ARMH4: variants seen among roughly 807,000 people sequenced by gnomAD.
ARMH4 encodes the protein armadillo like helical domain containing 4.
Under a neutral mutation model 61.9 loss-of-function variants are expected in ARMH4, and 49 were observed. The ratio of observed to expected loss-of-function variants is 0.79; its 90% confidence interval spans 0.63 to 1.00. The LOEUF is 1.00. Ranked by LOEUF, ARMH4 falls within the 50% of genes least tolerant of loss-of-function variation. The probability of loss-of-function intolerance (pLI) is 0.00; values close to 1 mark genes in which losing one functional copy is unlikely to be tolerated. For missense variants in ARMH4, 934 were observed against 930.0 expected, an observed-to-expected ratio of 1.00 and a Z score of -0.06; for synonymous variants, 368 against 341.5, an observed-to-expected ratio of 1.08 and a Z score of -0.85.
In ARMH4 at chr14:58,041,490, A is replaced by G. The variant is rs544194690; in HGVS notation, c.2090-29340T>C. 1.0e-3 allele frequency among the ~76,000 whole-genome samples: 153 copies of G among 152,358 alleles called. 1 individual carries two copies. The highest frequency in any genetic ancestry group is 3.4e-3 in the African/African-American group (142 of 41,572). On this transcript the variant is annotated intron_variant, in intron 5 of 7. Coordinates refer to ENST00000267485, the MANE Select transcript of ARMH4 (RefSeq NM_001001872.4). Reference sequence around the variant, plus strand: ...AACCGGTACCAGCCACTGCAAAAATATGCCAAATTGTAAAGACCATCGATG... The same window carrying G: ...AACCGGTACCAGCCACTGCAAAAATGTGCCAAATTGTAAAGACCATCGATG...
chr14:58,039,395 C>T (rs769545522), intron 5 of ARMH4, among the ~76,000 whole-genome samples: 4 of 152,128 alleles, frequency 2.6e-5, no homozygotes, highest in East Asian at 3.8e-4. Flanking sequence ...AAAAGAGAAA[C>T]GCCTATTTAC....
Position 58,082,125 on chromosome 14 carries a change from T to C in ARMH4, c.2089+14599A>G, listed in dbSNP as rs188698423. Among the ~76,000 whole-genome samples, 36 of 152,328 alleles carry C rather than the reference T, an allele frequency of 2.4e-4. No homozygotes were observed. The Middle Eastern group carries it at 0.01, about 43-fold the overall frequency. ...TTAAACTTAACAGTCAGTCAAAGATTATGCTGACAACCACTGGGTCATGTT... is the reference window on the plus strand; with the variant it reads ...TTAAACTTAACAGTCAGTCAAAGATCATGCTGACAACCACTGGGTCATGTT... On this transcript the variant is annotated intron_variant, in intron 5 of 7. Transcript: ENST00000267485.
intron 5 of ARMH4, among the ~76,000 whole-genome samples, chr14:58,088,653 A>G (rs550000573): frequency 6.6e-6 from 1 of 152,296 alleles, no homozygotes; most frequent in Admixed American, 6.5e-5. Context: ...AAGCCCACTC[A>G]TCCTGGATAC....
At chr14:58,044,019 A>T (rs944875181) in intron 5 of ARMH4, among the ~76,000 whole-genome samples, 7 of 152,112 alleles carry the variant, frequency 4.6e-5, no homozygotes, top group South Asian at 2.1e-4. Context: ...GAATCAATAT[A>T]GTGAAAATGG....
At chr14:58,017,249 G>A (rs1566541310) in intron 5 of ARMH4, among the ~76,000 whole-genome samples, 1 of 152,188 alleles carries the variant, frequency 6.6e-6, no homozygotes, top group Non-Finnish European at 1.5e-5. Flanking sequence ...AGGAGGTTGA[G>A]GCTGCGGTGA....
At chr14:58,071,834 T>C (rs1487933605) in intron 5 of ARMH4, among the ~76,000 whole-genome samples, 3 of 152,250 alleles carry the variant, frequency 2.0e-5, no homozygotes, top group Non-Finnish European at 4.4e-5. Flanking sequence ...ATATTCTTTA[T>C]GCATTTCAAA....
At chr14:58,075,548 A>C (rs1235984206) in intron 5 of ARMH4, among the ~76,000 whole-genome samples, 1 of 151,616 alleles carries the variant, frequency 6.6e-6, no homozygotes, top group Non-Finnish European at 1.5e-5. Flanking sequence ...GTGGGAGTTG[A>C]ACCATGAGAA....
chr14:58,126,833 T>C (rs1212044940), intron 4 of ARMH4, among the ~76,000 whole-genome samples: 6 of 151,100 alleles, frequency 4.0e-5, no homozygotes, highest in South Asian at 2.1e-4. Context: ...GATGGAATCT[T>C]GCTCTGTTGC....
chr14:58,043,692 A>G (rs1337258430), intron 5 of ARMH4, among the ~76,000 whole-genome samples: 1 of 152,252 alleles, frequency 6.6e-6, no homozygotes, highest in African/African-American at 2.4e-5. Context: ...ACATGATTGT[A>G]TATCTAGAAA....
chr14:58,024,146 G>T (rs867981937), intron 5 of ARMH4, among the ~76,000 whole-genome samples: 1 of 152,164 alleles, frequency 6.6e-6, no homozygotes, highest in Non-Finnish European at 1.5e-5. Flanking sequence ...AAGCTTTGAA[G>T]CCAGGTACTG....
At chr14:58,083,640 T>C (rs1306153994) in intron 5 of ARMH4, among the ~76,000 whole-genome samples, 1 of 152,198 alleles carries the variant, frequency 6.6e-6, no homozygotes, top group African/African-American at 2.4e-5. Flanking sequence ...CTAAGAATTA[T>C]CTGACTCCAT....
chr14:58,120,400 CA>C (rs1264275484), intron 4 of ARMH4, among the ~76,000 whole-genome samples: 1 of 152,022 alleles, frequency 6.6e-6, no homozygotes, highest in Non-Finnish European at 1.5e-5. Flanking sequence ...TACACCAATC[CA>C]GTGTTTTTCT....
At chr14:58,073,702 G>A (rs1387247091) in intron 5 of ARMH4, among the ~76,000 whole-genome samples, 3 of 152,156 alleles carry the variant, frequency 2.0e-5, no homozygotes, top group Non-Finnish European at 4.4e-5. Context: ...CTAGCTCAAT[G>A]GAGTTCTTTG....
intron 5 of ARMH4, among the ~76,000 whole-genome samples, chr14:58,068,733 G>A (rs1052463708): frequency 1.6e-4 from 24 of 152,236 alleles, no homozygotes; most frequent in East Asian, 3.9e-4. Context: ...TAGGCCACGC[G>A]CGGTGGCTCA....
intron 4 of ARMH4, among the ~76,000 whole-genome samples, chr14:58,104,124 ACACT>A (rs1886090016): frequency 6.6e-6 from 1 of 152,152 alleles, no homozygotes; most frequent in African/African-American, 2.4e-5. Context: ...TCTCCCACAC[ACACT>A]CACTTTGGTA....
Position 58,139,314 on chromosome 14 carries a change from G to A in ARMH4, c.45C>T (p.Ser15=), listed in dbSNP as rs1215937154. 1.2e-6 allele frequency: 2 copies of A among 1,614,176 alleles called. No homozygotes were observed. The highest frequency in any genetic ancestry group is 1.7e-5 in the Admixed American group (1 of 60,020). The change falls in exon 2 of 8, where the codon AGC becomes AGT. Residue 15 remains serine (S), a synonymous_variant. Transcript: ENST00000267485. The part of the protein sequence containing the change: ...IVLHICLAFC[S]LLLFSVATQC... The stretch of plus-strand genomic sequence containing the variant: ...GTGTGGCAACGCTGAAAAGCAGAAG[G>A]CTACAGAAAGCCAGACAAATGTGCA...
chr14:58,040,954 CTAAG>C (rs1259552129), intron 5 of ARMH4, among the ~76,000 whole-genome samples: 2 of 152,200 alleles, frequency 1.3e-5, no homozygotes, highest in Non-Finnish European at 2.9e-5. Flanking sequence ...CTACGTTCCT[CTAAG>C]TAAAATGAAA....
At chr14:58,090,871 C>A (rs1378477656) in intron 5 of ARMH4, among the ~76,000 whole-genome samples, 7 of 142,302 alleles carry the variant, frequency 4.9e-5, no homozygotes, top group African/African-American at 1.9e-4. Context: ...CAGAGTGAGA[C>A]CCTGTCTCAA....
At position 58,063,679 on chromosome 14, in the gene ARMH4, T is replaced by A. The variant is rs150895983; in HGVS notation, c.2089+33045A>T. Among the ~76,000 whole-genome samples, 212 of 152,268 alleles carry A rather than the reference T, an allele frequency of 1.4e-3. 1 individual carries two copies. The highest frequency in any genetic ancestry group is 2.9e-3 in the Admixed American group (44 of 15,298). On this transcript the variant is annotated intron_variant, in intron 5 of 7. Coordinates refer to ENST00000267485, the MANE Select transcript of ARMH4 (RefSeq NM_001001872.4). ...GGAGAAGGACATGGCTGAACAACTT[T>A]TGCCAGGAACACTTTGGTACTGTCA...
Sources: gnomAD v4.1 joint callset for allele counts (sites outside exome capture counted in the v4.1 genomes callset) on GRCh38, gnomAD v4.1.1 for gene constraint, MANE v1.5 for transcripts, NCBI Gene and HGNC (gene_info 2026-07-23, HGNC 2026-07-21) for gene names.